Variants in VPS13B observed in about 807,000 individuals in gnomAD.
VPS13B encodes the protein intermembrane lipid transfer protein VPS13B.
VPS13B carries 285 observed loss-of-function variants against 426.4 expected under a neutral mutation model. The observed-to-expected ratio is 0.67, with a 90% CI of 0.61 to 0.74. The LOEUF (loss-of-function observed/expected upper bound fraction) is 0.74, where lower values mean the gene tolerates loss of function less well. Ranked by LOEUF, VPS13B falls within the 30% of genes least tolerant of loss-of-function variation. The pLI, the probability that VPS13B is intolerant of heterozygous loss-of-function variation, is 0.00. For synonymous variants in VPS13B, 1,676 were observed against 1,676.4 expected, an observed-to-expected ratio of 1.00 and a Z score of 0.01; for missense variants, 4,537 against 4,782.6, an observed-to-expected ratio of 0.95 and a Z score of 1.51.
chr8:99,826,361 G>T (rs982926469), intron 51 of VPS13B, among the ~76,000 whole-genome samples: 5 of 152,098 alleles, frequency 3.3e-5, no homozygotes, highest in African/African-American at 9.6e-5. Context: ...TCATGATTTG[G>T]CTCTCTGTTT....
intron 7 of VPS13B, among the ~76,000 whole-genome samples, chr8:99,118,121 T>C (rs1323716302): frequency 6.6e-6 from 1 of 152,120 alleles, no homozygotes; most frequent in Non-Finnish European, 1.5e-5. Context: ...AGAAGATACT[T>C]GATTTATTTT....
intron 34 of VPS13B, among the ~76,000 whole-genome samples, chr8:99,651,779 T>A (rs1209398499): frequency 6.6e-6 from 1 of 152,176 alleles, no homozygotes; most frequent in Admixed American, 6.5e-5. Flanking sequence ...TTCTTCTTGT[T>A]TGTTTGGGGC....
intron 35 of VPS13B, among the ~76,000 whole-genome samples, chr8:99,675,547 T>C (rs1034657706): frequency 6.6e-6 from 1 of 152,150 alleles, no homozygotes; most frequent in Non-Finnish European, 1.5e-5. Flanking sequence ...TTCTACCCCT[T>C]TATCTATCTC....
chr8:99,587,903 A>G (rs916425141), intron 33 of VPS13B, among the ~76,000 whole-genome samples: 25 of 151,770 alleles, frequency 1.6e-4, no homozygotes, highest in Non-Finnish European at 3.1e-4. Context: ...GCCCATGCCT[A>G]TGTCCTGAAT....
chr8:99,402,454 T>C (rs1815088744), intron 21 of VPS13B, among the ~76,000 whole-genome samples: 1 of 152,120 alleles, frequency 6.6e-6, no homozygotes, highest in Non-Finnish European at 1.5e-5. Flanking sequence ...ACTTGAGCTG[T>C]TTTGGTCAGT....
intron 23 of VPS13B, among the ~76,000 whole-genome samples, chr8:99,448,551 A>T (rs1818039892): frequency 6.6e-6 from 1 of 152,172 alleles, no homozygotes; most frequent in African/African-American, 2.4e-5. Context: ...GTCTTTACAC[A>T]TGTACCCAGA....
intron 58 of VPS13B, among the ~76,000 whole-genome samples, chr8:99,862,773 G>C (rs1185466569): frequency 6.6e-6 from 1 of 152,196 alleles, no homozygotes; most frequent in Non-Finnish European, 1.5e-5. Context: ...GTTCTCTACA[G>C]AACTCCTAGA....
chr8:99,074,810 A>G (rs1438111255), intron 3 of VPS13B, among the ~76,000 whole-genome samples: 1 of 151,506 alleles, frequency 6.6e-6, no homozygotes, highest in Non-Finnish European at 1.5e-5. Flanking sequence ...TAATTTTTGT[A>G]TTTTTTGGTA....
intron 36 of VPS13B, among the ~76,000 whole-genome samples, chr8:99,705,969 G>A (rs1447121563): frequency 1.3e-5 from 2 of 152,044 alleles, no homozygotes; most frequent in South Asian, 2.1e-4. Context: ...CCAGCCTTTC[G>A]TAGAGGGAGA....
chr8:99,274,337 G>C lies in VPS13B; in HGVS notation c.2650+5G>C. The C allele has an allele frequency of 6.2e-7, 1 of 1,614,098 alleles. No homozygotes were observed. The highest frequency in any genetic ancestry group is 8.5e-7 in the Non-Finnish European group (1 of 1,179,990). On this transcript the variant is annotated splice_donor_5th_base_variant and intron_variant, in intron 18 of 61. Coordinates refer to ENST00000357162, the MANE Select transcript of VPS13B (RefSeq NM_152564.5). ...AAATTTGTGCCAAAGCCCCAGGTAT[G>C]TGCAGCTGGACCGTGTAAAACTTTA...
chr8:99,193,437 T>A (rs1163172334), intron 17 of VPS13B, among the ~76,000 whole-genome samples: 1 of 152,116 alleles, frequency 6.6e-6, no homozygotes, highest in South Asian at 2.1e-4. Flanking sequence ...ATTTGGTTAG[T>A]TTGGTAAACA....
chr8:99,588,453 G>C (rs1173073761), intron 33 of VPS13B, among the ~76,000 whole-genome samples: 1 of 151,702 alleles, frequency 6.6e-6, no homozygotes, highest in East Asian at 1.9e-4. Flanking sequence ...CCATGAGCAT[G>C]GAATGTTCTT....
intron 33 of VPS13B, among the ~76,000 whole-genome samples, chr8:99,629,771 A>C (rs1210320117): frequency 1.3e-5 from 2 of 152,196 alleles, no homozygotes; most frequent in Non-Finnish European, 2.9e-5. Context: ...TGGAGTAATC[A>C]AATAAGATTT....
At chr8:99,672,312 T>C (rs1830748766) in intron 35 of VPS13B, among the ~76,000 whole-genome samples, 1 of 152,154 alleles carries the variant, frequency 6.6e-6, no homozygotes, top group African/African-American at 2.4e-5. Context: ...TTTATAGTTT[T>C]CAGTGTACAG....
In VPS13B at chr8:99,420,177, T is replaced by G. The variant is rs540291583; in HGVS notation, c.3083-11360T>G. ...GAAGTGCTTACTATGAAAACTGAAT[T>G]ATTACAGCTGAACAAATGTATCTTG... On this transcript the variant is annotated intron_variant, in intron 21 of 61. Coordinates refer to ENST00000357162, the MANE Select transcript of VPS13B (RefSeq NM_152564.5). Among the ~76,000 whole-genome samples the G allele has an allele frequency of 5.3e-5, 8 of 152,274 alleles. No individual in the cohort carries two copies. The South Asian group carries it at 1.7e-3, about 32-fold the overall frequency.
Position 99,128,386 on chromosome 8 carries a change from CAAAAAAAAAAAAAAAAAAAAAAA to C in VPS13B, c.1207-6227_1207-6205del, listed in dbSNP as rs71273165. Among the ~76,000 whole-genome samples, 163 of 34,230 alleles carry C rather than the reference CAAAAAAAAAAAAAAAAAAAAAAA, an allele frequency of 4.8e-3. 2 individuals are homozygous for C. Among genetic ancestry groups the C allele is most frequent in the African/African-American group, 0.018 (158 of 8,982 alleles). The allele number at this position is 34,230 out of a possible 152,430, so 22.5% of individuals were successfully genotyped here. On this transcript the variant is annotated intron_variant, in intron 8 of 61. Coordinates refer to ENST00000357162, the MANE Select transcript of VPS13B (RefSeq NM_152564.5). ...TGGGTGACAGAGCAAGATACTGTCCCAAAAAAAAAAAAAAAAAAAAAAAAAAAAAAAAAAAAAAAAATTTGTTG... is the reference window on the plus strand; with the variant it reads ...TGGGTGACAGAGCAAGATACTGTCCCAAAAAAAAAAAAAAAAAATTTGTTG...
intron 24 of VPS13B, among the ~76,000 whole-genome samples, chr8:99,475,655 T>C (rs1033850170): frequency 6.6e-6 from 1 of 152,224 alleles, no homozygotes; most frequent in Non-Finnish European, 1.5e-5. Flanking sequence ...ATTTTGTTGT[T>C]GTTTAAATGT....
chr8:99,042,178 A>C (rs920379272), intron 3 of VPS13B, among the ~76,000 whole-genome samples: 2 of 152,102 alleles, frequency 1.3e-5, no homozygotes, highest in African/African-American at 4.8e-5. Flanking sequence ...TTTTGAACCT[A>C]AAAATCTGAG....
At chr8:99,706,927 C>T (rs1382159899) in intron 36 of VPS13B, among the ~76,000 whole-genome samples, 4 of 152,050 alleles carry the variant, frequency 2.6e-5, no homozygotes, top group Admixed American at 2.0e-4. Flanking sequence ...GGAAATTGCC[C>T]GCTTGTCCAT....
Sources: gnomAD v4.1 joint callset for allele counts (sites outside exome capture counted in the v4.1 genomes callset) on GRCh38, gnomAD v4.1.1 for gene constraint, MANE v1.5 for transcripts, NCBI Gene and HGNC (gene_info 2026-07-23, HGNC 2026-07-21) for gene names.